The following KCNN2 variants were observed in gnomAD, a reference collection of about 807,000 sequenced individuals.
KCNN2 encodes small conductance calcium-activated potassium channel protein 2.
In KCNN2, 24 loss-of-function variants were observed where a neutral mutation model predicts 55.5. That is an observed-to-expected ratio of 0.43 (90% CI 0.31 to 0.61). The LOEUF is 0.61. Ranked by LOEUF, KCNN2 falls within the 20% of genes least tolerant of loss-of-function variation. The probability of loss-of-function intolerance (pLI) is 0.08; values close to 1 mark genes in which losing one functional copy is unlikely to be tolerated. For missense variants in KCNN2, 754 were observed against 853.6 expected, an observed-to-expected ratio of 0.88 and a Z score of 1.45; for synonymous variants, 431 against 336.1, an observed-to-expected ratio of 1.28 and a Z score of -3.09.
chr5:114,291,914 T>C (rs1755897765), intron 2 of KCNN2, among the ~76,000 whole-genome samples: 1 of 152,274 alleles, frequency 6.6e-6, no homozygotes, highest in African/African-American at 2.4e-5. Flanking sequence ...CTCATTGTGG[T>C]TTTGATTTGC....
intron 2 of KCNN2, among the ~76,000 whole-genome samples, chr5:114,356,879 A>G (rs36938): frequency 0.41 from 62,618 of 151,848 alleles, 13,844 homozygotes; most frequent in East Asian, 0.84. Context: ...TTCCAGAAAC[A>G]TGGAATTATT....
intron 1 of KCNN2, among the ~76,000 whole-genome samples, chr5:114,202,774 G>A (rs972062905): frequency 6.6e-6 from 1 of 151,648 alleles, no homozygotes; most frequent in Non-Finnish European, 1.5e-5. Flanking sequence ...TTTTAGTAGA[G>A]ATGGGGTTTC....
intron 5 of KCNN2, among the ~76,000 whole-genome samples, chr5:114,474,708 T>G (rs1426343638): frequency 6.6e-6 from 1 of 152,192 alleles, no homozygotes; most frequent in Non-Finnish European, 1.5e-5. Flanking sequence ...AATTTGTGTT[T>G]AAGAGTCACA....
intron 1 of KCNN2, among the ~76,000 whole-genome samples, chr5:114,198,056 C>T (rs1400606722): frequency 6.6e-6 from 1 of 151,966 alleles, no homozygotes; most frequent in African/African-American, 2.4e-5. Flanking sequence ...TCTCAAAGTC[C>T]TGCTCCTCCC....
chr5:114,077,795 G>T (rs1266396962), intron 1 of KCNN2, among the ~76,000 whole-genome samples: 1 of 152,182 alleles, frequency 6.6e-6, no homozygotes, highest in Non-Finnish European at 1.5e-5. Flanking sequence ...ACATTTCTCT[G>T]TCCCGTCTAG....
chr5:114,143,692 A>G (rs997862053), intron 1 of KCNN2, among the ~76,000 whole-genome samples: 1 of 152,174 alleles, frequency 6.6e-6, no homozygotes, highest in African/African-American at 2.4e-5. Context: ...GAAGTACTTC[A>G]TGTGCCGTTG....
intron 2 of KCNN2, among the ~76,000 whole-genome samples, chr5:114,339,360 A>G (rs1756977291): frequency 6.6e-6 from 1 of 152,224 alleles, no homozygotes. Context: ...TTCTGGCCAG[A>G]AGATGCAAAC....
chr5:114,127,366 A>G (rs140400736), intron 1 of KCNN2, among the ~76,000 whole-genome samples: 1 of 152,312 alleles, frequency 6.6e-6, no homozygotes, highest in East Asian at 1.9e-4. Context: ...GAGGTTCCCC[A>G]ACGTCAGTGC....
At position 114,181,242 on chromosome 5, in the gene KCNN2, G is replaced by A. The variant is rs375351125; in HGVS notation, c.-270-40238G>A. Among the ~76,000 whole-genome samples the A allele has an allele frequency of 3.1e-4, 47 of 152,272 alleles. No homozygotes were observed. In the South Asian group the frequency reaches 8.5e-3, roughly 27 times the overall value. ...TTGCATCATTTTTATGAGAGTTCAA[G>A]TGATCTACTTTCTTGCCAGTGTTTG... is the stretch of plus-strand genomic sequence containing the variant. On this transcript the variant is annotated intron_variant, in intron 1 of 10. Transcript: ENST00000512097.
chr5:114,405,692 G>A (rs1758907661), intron 3 of KCNN2, among the ~76,000 whole-genome samples: 1 of 145,052 alleles, frequency 6.9e-6, no homozygotes, highest in African/African-American at 2.7e-5. Context: ...AGTCTTTGTA[G>A]TTTTTTTTGT....
intron 1 of KCNN2, among the ~76,000 whole-genome samples, chr5:114,179,797 T>C (rs1753205086): frequency 6.6e-6 from 1 of 152,146 alleles, no homozygotes; most frequent in Admixed American, 6.5e-5. Flanking sequence ...ATTTTTCGTC[T>C]TAATTAAACA....
intron 2 of KCNN2, among the ~76,000 whole-genome samples, chr5:114,309,748 A>G (rs545847097): frequency 6.6e-6 from 1 of 152,256 alleles, no homozygotes; most frequent in South Asian, 2.1e-4. Context: ...GTGTAATATG[A>G]GTATGATGAA....
At chr5:114,167,040 T>C (rs534411760) in intron 1 of KCNN2, among the ~76,000 whole-genome samples, 18 of 152,172 alleles carry the variant, frequency 1.2e-4, no homozygotes, top group Non-Finnish European at 2.6e-4. Context: ...AGCCATCTAG[T>C]CTATAGTATT....
chr5:114,453,665 C>CT (rs897579762), intron 3 of KCNN2, among the ~76,000 whole-genome samples: 13 of 152,100 alleles, frequency 8.5e-5, no homozygotes, highest in Admixed American at 7.2e-4. Flanking sequence ...GAGAATGTAT[C>CT]TTTTTTGTTC....
At position 114,362,642 on chromosome 5, in the gene KCNN2, G is replaced by C. The variant is rs920098093; in HGVS notation, c.503G>C (p.Ser168Thr). The C allele has an allele frequency of 1.6e-5, 20 of 1,241,382 alleles. No individual in the cohort carries two copies. The South Asian group carries it at 3.2e-4, about 20-fold the overall frequency. 76.9% of individuals were successfully genotyped at this position (1,241,382 alleles called of 1,614,324 possible). Residue 168 changes from serine (S) to threonine (T), a missense_variant, in exon 1 of 8, where the codon AGC (serine) becomes ACC (threonine). By Grantham distance (58) the Ser-to-Thr change is moderately conservative. Transcript: ENST00000673685. The stretch of plus-strand genomic sequence containing the variant: ...TGCCACAGCCTGCAGCCCGCCGCCA[G>C]CCCCACGGGCAGCCTCGGCAGTCTG... ...HQCHSLQPAA[S>T]PTGSLGSLGS...
chr5:114,262,081 A>C (rs548152891), intron 2 of KCNN2, among the ~76,000 whole-genome samples: 1 of 152,238 alleles, frequency 6.6e-6, no homozygotes, highest in African/African-American at 2.4e-5. Flanking sequence ...CCCAAACCTA[A>C]AGAGACTCAT....
At chr5:114,303,589 TA>T (rs1397557028) in intron 2 of KCNN2, among the ~76,000 whole-genome samples, 11 of 152,200 alleles carry the variant, frequency 7.2e-5, no homozygotes, top group East Asian at 5.8e-4. Flanking sequence ...GACAGTACAT[TA>T]TTTGGGCTTT....
chr5:114,408,565 G>T (rs1200769872), intron 3 of KCNN2, among the ~76,000 whole-genome samples: 1 of 152,100 alleles, frequency 6.6e-6, no homozygotes, highest in African/African-American at 2.4e-5. Flanking sequence ...CCTTATGATG[G>T]TTGAAGAATA....
At chr5:114,303,753 A>G (rs1241263571) in intron 2 of KCNN2, among the ~76,000 whole-genome samples, 1 of 152,224 alleles carries the variant, frequency 6.6e-6, no homozygotes, top group Non-Finnish European at 1.5e-5. Flanking sequence ...TAGAATGGCA[A>G]GACAATAGAA....
Sources: gnomAD v4.1 joint callset for allele counts (sites outside exome capture counted in the v4.1 genomes callset) on GRCh38, gnomAD v4.1.1 for gene constraint, MANE v1.5 for transcripts, NCBI Gene and HGNC (gene_info 2026-07-23, HGNC 2026-07-21) for gene names.